AOAH: variants seen among roughly 807,000 people sequenced by gnomAD.
The protein encoded by AOAH is acyloxyacyl hydrolase (neutrophil).
In AOAH, 64 loss-of-function variants were observed where a neutral mutation model predicts 92.2. The ratio of observed to expected loss-of-function variants is 0.69; its 90% CI spans 0.57 to 0.86. The LOEUF (loss-of-function observed/expected upper bound fraction) is 0.86. Ranked by LOEUF, AOAH falls within the 40% of genes least tolerant of loss-of-function variation. The pLI, the probability that AOAH is intolerant of heterozygous loss-of-function variation, is 0.00. For missense variants in AOAH, 656 were observed against 694.6 expected (o/e 0.94, Z 0.62); for synonymous variants, 263 against 254.5 (o/e 1.03, Z -0.32).
At chr7:36,712,063 C>T (rs950483852) in intron 1 of AOAH, among the ~76,000 whole-genome samples, 4 of 152,156 alleles carry the variant, frequency 2.6e-5, no homozygotes, top group African/African-American at 4.8e-5. Context: ...TATGAACAAG[C>T]GTTTAGTTAT....
intron 11 of AOAH, among the ~76,000 whole-genome samples, chr7:36,609,643 CA>C (rs1791285488): frequency 7.8e-6 from 1 of 127,526 alleles, no homozygotes; most frequent in African/African-American, 3.2e-5. Flanking sequence ...CTGCTTTGAA[CA>C]CAGTGTCTCT....
chr7:36,544,281 C>A (rs1785644945), intron 15 of AOAH, among the ~76,000 whole-genome samples: 2 of 152,112 alleles, frequency 1.3e-5, no homozygotes, highest in Non-Finnish European at 2.9e-5. Context: ...GATCTGTGTA[C>A]TTTTTCCCCT....
Position 36,618,365 on chromosome 7 carries a change from T to G in AOAH, c.703-20A>C, listed in dbSNP as rs73340176. The G allele has an allele frequency of 5.1e-3, 8,206 of 1,612,992 alleles. 387 individuals carry two copies. In the African/African-American group the frequency reaches 0.096, roughly 19 times the overall value. On this transcript the variant is annotated intron_variant, in intron 9 of 20. Transcript: ENST00000617537. ...GACACCCTTTAAAAAAGAAACGATGTGATTAGCAGTTTGGTTTTAAATTTA... is the reference window on the plus strand; with the variant it reads ...GACACCCTTTAAAAAAGAAACGATGGGATTAGCAGTTTGGTTTTAAATTTA...
chr7:36,605,165 T>C (rs116333474), intron 11 of AOAH, among the ~76,000 whole-genome samples: 2,138 of 152,278 alleles, frequency 0.014, 25 homozygotes, highest in African/African-American at 0.03. Context: ...CAGTCTTGCC[T>C]CCTAGACGTT....
At chr7:36,554,822 G>C (rs377475776) in intron 13 of AOAH, among the ~76,000 whole-genome samples, 4 of 151,312 alleles carry the variant, frequency 2.6e-5, no homozygotes, top group African/African-American at 9.7e-5. Flanking sequence ...TGTGATTTTT[G>C]TACATTGATT....
chr7:36,718,777 G>T (rs1344584289), intron 1 of AOAH, among the ~76,000 whole-genome samples: 15 of 152,126 alleles, frequency 9.9e-5, no homozygotes. Context: ...ATTTCCAAGG[G>T]CTATAGAGAG....
At chr7:36,517,597 C>CTTTTTTTT (rs70977159) in intron 20 of AOAH, among the ~76,000 whole-genome samples, 4 of 89,578 alleles carry the variant, frequency 4.5e-5, no homozygotes, top group East Asian at 3.3e-4. Flanking sequence ...GACTTTATAT[C>CTTTTTTTT]TTTTTTTTTT....
chr7:36,665,752 T>A (rs923471305), intron 3 of AOAH, among the ~76,000 whole-genome samples: 1 of 151,944 alleles, frequency 6.6e-6, no homozygotes, highest in Non-Finnish European at 1.5e-5. Flanking sequence ...TTTTTTTAAA[T>A]CACAAATGAA....
rs568229505 is a variant in AOAH at position 36,638,961 on chromosome 7, C to T, written c.391-1051G>A. Among the ~76,000 whole-genome samples, 526 of 152,324 alleles carry T rather than the reference C, an allele frequency of 3.5e-3. 5 individuals are homozygous for T. The highest frequency in any genetic ancestry group is 0.012 in the African/African-American group (507 of 41,576). ...CCACCCAGCCTCTTCCTTGGACTCT[C>T]CCAGGCCTCCTTGTGATCCGTCAAC... On this transcript the variant is annotated intron_variant, in intron 4 of 20. Coordinates refer to ENST00000617537, the MANE Select transcript of AOAH (RefSeq NM_001637.4).
rs114936409 is a variant in AOAH at position 36,650,797 on chromosome 7, C to T, written c.390+8369G>A. ...AATCTTACAGAGCACCTACTATGTG[C>T]CAGGTACTATGCCAGTCCAGGAATA... On this transcript the variant is annotated intron_variant, in intron 4 of 20. Coordinates refer to ENST00000617537, the MANE Select transcript of AOAH (RefSeq NM_001637.4). 3.1e-3 allele frequency among the ~76,000 whole-genome samples: 468 copies of T among 152,262 alleles called. 1 individual carries two copies. The highest frequency in any genetic ancestry group is 0.011 in the African/African-American group (447 of 41,542).
intron 3 of AOAH, among the ~76,000 whole-genome samples, chr7:36,664,087 G>A (rs1005800873): frequency 5.3e-5 from 8 of 151,934 alleles, no homozygotes; most frequent in Non-Finnish European, 8.8e-5. Context: ...TGAGTTTTAA[G>A]AGTTTTTTTA....
chr7:36,669,680 G>A (rs773446078), intron 3 of AOAH, among the ~76,000 whole-genome samples: 2 of 152,212 alleles, frequency 1.3e-5, no homozygotes, highest in African/African-American at 4.8e-5. Flanking sequence ...ACAGAGTGCA[G>A]TGGCTCTGCC....
At chr7:36,655,738 C>A (rs1226971688) in intron 4 of AOAH, among the ~76,000 whole-genome samples, 4 of 152,294 alleles carry the variant, frequency 2.6e-5, no homozygotes, top group African/African-American at 9.6e-5. Flanking sequence ...TTTACCCGTT[C>A]ATTGCGTCAA....
At chr7:36,514,871 A>G (rs1192061258) in intron 20 of AOAH, among the ~76,000 whole-genome samples, 2 of 152,050 alleles carry the variant, frequency 1.3e-5, no homozygotes, top group Admixed American at 6.5e-5. Context: ...AAAGTGATCC[A>G]AAGTCCTTTC....
At position 36,693,979 on chromosome 7, in the gene AOAH, C is replaced by T. The variant is rs145637796; in HGVS notation, c.128-7185G>A. Among the ~76,000 whole-genome samples, 739 of 152,290 alleles carry T rather than the reference C, an allele frequency of 4.9e-3. 2 individuals are homozygous for T. Among genetic ancestry groups the T allele is most frequent in the Admixed American group, 8.9e-3 (136 of 15,298 alleles). On this transcript the variant is annotated intron_variant, in intron 1 of 20. Transcript: ENST00000617537. ...AACTTCTTCTGAGGTAAATGCCAAA[C>T]ATGTTGGAGTGAACTATCATTGAAC...
chr7:36,594,500 T>C, intron 11 of AOAH, 70 bp from the exon 12 acceptor site: 3 of 1,277,660 alleles, frequency 2.3e-6, no homozygotes, highest in Non-Finnish European at 3.4e-6. Flanking sequence ...AGAAAATTCA[T>C]GGCCTGAGTG....
At chr7:36,590,379 T>A (rs1466313416) in intron 12 of AOAH, among the ~76,000 whole-genome samples, 4 of 152,212 alleles carry the variant, frequency 2.6e-5, no homozygotes, top group Non-Finnish European at 5.9e-5. Context: ...GTATATTTTT[T>A]AAGGGATATC....
intron 4 of AOAH, among the ~76,000 whole-genome samples, chr7:36,652,196 C>T (rs1017866988): frequency 6.9e-6 from 1 of 143,948 alleles, no homozygotes; most frequent in Non-Finnish European, 1.5e-5. Flanking sequence ...TAGTATGGAA[C>T]AAAAAAAAAA....
intron 1 of AOAH, among the ~76,000 whole-genome samples, chr7:36,706,169 G>A (rs768807828): frequency 6.6e-5 from 10 of 152,014 alleles, no homozygotes; most frequent in African/African-American, 9.7e-5. Context: ...ATTAAATAAT[G>A]TATTTCTTAC....
Sources: allele counts gnomAD v4.1 joint callset (sites outside exome capture counted in the v4.1 genomes callset), GRCh38; gene constraint gnomAD v4.1.1; transcripts MANE v1.5; gene names NCBI Gene and HGNC (gene_info 2026-07-23, HGNC 2026-07-21).